The following DTNBP1 variants were observed in gnomAD, a reference collection of about 807,000 sequenced individuals.
DTNBP1 encodes dystrobrevin binding protein 1.
Under a neutral mutation model 42.8 loss-of-function variants are expected in DTNBP1, and 35 were observed. The ratio of observed to expected loss-of-function variants is 0.82; its 90% CI spans 0.63 to 1.09. The LOEUF is 1.09. Ranked by LOEUF, DTNBP1 falls within the 50% of genes least tolerant of loss-of-function variation. The pLI, the probability that DTNBP1 is intolerant of heterozygous loss-of-function variation, is 0.00. For missense variants in DTNBP1, 457 were observed against 424.2 expected (o/e 1.08, Z -0.68); for synonymous variants, 171 against 162.2 (o/e 1.05, Z -0.41).
chr6:15,563,526 C>A (rs1774933919), intron 7 of DTNBP1, among the ~76,000 whole-genome samples: 1 of 152,098 alleles, frequency 6.6e-6, no homozygotes, highest in Non-Finnish European at 1.5e-5. Flanking sequence ...ATCTGTATAC[C>A]CATTGTTCCT....
At chr6:15,596,678 C>T (rs1476681784) in intron 6 of DTNBP1, among the ~76,000 whole-genome samples, 1 of 152,190 alleles carries the variant, frequency 6.6e-6, no homozygotes, top group Non-Finnish European at 1.5e-5. Context: ...CCAATTTCAT[C>T]CCTAGCTTTA....
intron 8 of DTNBP1, among the ~76,000 whole-genome samples, chr6:15,531,912 G>A (rs761104871): frequency 1.5e-4 from 23 of 152,244 alleles, no homozygotes; most frequent in Non-Finnish European, 4.4e-5. Flanking sequence ...GATTATAGGC[G>A]TATGCCACTG....
At chr6:15,558,551 G>A (rs1774656325) in intron 7 of DTNBP1, among the ~76,000 whole-genome samples, 1 of 152,108 alleles carries the variant, frequency 6.6e-6, no homozygotes. Context: ...ACAGGTATGA[G>A]CCAACATGCC....
At chr6:15,648,247 T>G (rs184331750) in intron 3 of DTNBP1, among the ~76,000 whole-genome samples, 1 of 152,056 alleles carries the variant, frequency 6.6e-6, no homozygotes, top group East Asian at 1.9e-4. Context: ...AAGGGAACAA[T>G]CTCAACATAA....
In DTNBP1 at chr6:15,523,312, A is replaced by AG. The variant is rs1053497439; in HGVS notation, c.812-94dup. ...AGCTGTGGAATGTGCCCGTCATGAA[A>AG]GGGGGGTGTGGTTTTTGTTCCAGGC... On this transcript the variant is annotated intron_variant, in intron 9 of 9. Transcript: ENST00000344537. The AG allele has an allele frequency of 1.6e-5, 24 of 1,546,582 alleles. No individual in the cohort carries two copies. The East Asian group carries it at 2.9e-4, about 19-fold the overall frequency.
chr6:15,654,875 GATA>G (rs1761196114), intron 1 of DTNBP1, among the ~76,000 whole-genome samples: 1 of 152,190 alleles, frequency 6.6e-6, no homozygotes, highest in Non-Finnish European at 1.5e-5. Context: ...CTGCATAATT[GATA>G]ATATCAAAGA....
chr6:15,600,875 G>C (rs748984578), intron 6 of DTNBP1, among the ~76,000 whole-genome samples: 2 of 152,206 alleles, frequency 1.3e-5, no homozygotes, highest in Non-Finnish European at 2.9e-5. Flanking sequence ...TAGCTGTGTA[G>C]GTGGCAACTG....
At chr6:15,658,423 C>T (rs539772050) in intron 1 of DTNBP1, among the ~76,000 whole-genome samples, 7 of 152,184 alleles carry the variant, frequency 4.6e-5, no homozygotes, top group South Asian at 4.1e-4. Context: ...ACTACAAGGA[C>T]GGAAGAAGAC....
intron 7 of DTNBP1, among the ~76,000 whole-genome samples, chr6:15,549,220 C>T (rs1338876437): frequency 2.0e-5 from 3 of 152,150 alleles, no homozygotes; most frequent in Non-Finnish European, 4.4e-5. Flanking sequence ...GGCATGGTGG[C>T]TCATGCCTGT....
intron 7 of DTNBP1, among the ~76,000 whole-genome samples, chr6:15,537,116 T>C (rs1281361298): frequency 3.3e-5 from 5 of 152,224 alleles, no homozygotes; most frequent in African/African-American, 7.2e-5. Flanking sequence ...ACATGAGACT[T>C]TGGACTTAAG....
At position 15,650,818 on chromosome 6, in the gene DTNBP1, A is replaced by G. The variant is rs1760949729; in HGVS notation, c.161+495T>C. ...ATTTTCTCACATTCTATGTTTTGTC[A>G]CTCCACTATCTTGATGGTGTTCTCT... On this transcript the variant is annotated intron_variant, in intron 3 of 9. Coordinates refer to ENST00000344537, the MANE Select transcript of DTNBP1 (RefSeq NM_032122.5). Among the ~76,000 whole-genome samples, 3 of 151,852 alleles carry G rather than the reference A, an allele frequency of 2.0e-5. No individual in the cohort carries two copies. In the South Asian group the frequency reaches 6.2e-4, roughly 32 times the overall value.
At chr6:15,613,357 ATTTTTTTTTTTTTT>A (rs1184227291) in intron 6 of DTNBP1, among the ~76,000 whole-genome samples, 1 of 24,306 alleles carries the variant, frequency 4.1e-5, no homozygotes, top group Non-Finnish European at 7.8e-5. Flanking sequence ...CACGGACCCC[ATTTTTTTTTTTTTT>A]TTTTTTTTTT....
intron 1 of DTNBP1, among the ~76,000 whole-genome samples, chr6:15,659,756 G>A (rs1382715166): frequency 6.6e-6 from 1 of 151,978 alleles, no homozygotes; most frequent in East Asian, 1.9e-4. Context: ...GTTTCACCAC[G>A]TTGGCCAAGC....
At chr6:15,650,855 G>A (rs1397125050) in intron 3 of DTNBP1, among the ~76,000 whole-genome samples, 3 of 152,156 alleles carry the variant, frequency 2.0e-5, no homozygotes, top group African/African-American at 7.2e-5. Flanking sequence ...ACACACAAAA[G>A]TATTTGATTT....
At chr6:15,660,632 G>T in intron 1 of DTNBP1, 1 of 1,014,414 alleles carries the variant, frequency 9.9e-7, no homozygotes, top group Non-Finnish European at 1.3e-6. Context: ...TTTCCAAGGG[G>T]TTCTAACTAG....
intron 7 of DTNBP1, among the ~76,000 whole-genome samples, chr6:15,537,371 G>A (rs1388120854): frequency 1.3e-5 from 2 of 151,948 alleles, no homozygotes; most frequent in Non-Finnish European, 2.9e-5. Flanking sequence ...AGAGGTTGCA[G>A]TGAGCCAAGA....
chr6:15,645,619 A>T (rs1343170010), intron 3 of DTNBP1, among the ~76,000 whole-genome samples: 1 of 152,148 alleles, frequency 6.6e-6, no homozygotes, highest in African/African-American at 2.4e-5. Context: ...CCTTGGATGC[A>T]AGGACGGTTC....
At chr6:15,569,445 A>G (rs1250170363) in intron 7 of DTNBP1, among the ~76,000 whole-genome samples, 1 of 148,170 alleles carries the variant, frequency 6.7e-6, no homozygotes, top group Non-Finnish European at 1.5e-5. Context: ...TCTTCAACCA[A>G]TCAATGATCC....
chr6:15,522,868 T>A lies in DTNBP1; in HGVS notation c.*107A>T, dbSNP rs1400661943. 1 of 1,573,150 alleles carries A rather than the reference T, an allele frequency of 6.4e-7. No homozygotes were observed. The highest frequency in any genetic ancestry group is 1.4e-5 in the African/African-American group (1 of 73,978). On this transcript the variant is annotated 3_prime_UTR_variant, in exon 10 of 10. Coordinates refer to ENST00000344537, the MANE Select transcript of DTNBP1 (RefSeq NM_032122.5). ...AAGTTTCTCACACATTATTGGCAAT[T>A]ATGTAAAAATCAAGAACCTCTATAA...
Sources: allele counts gnomAD v4.1 joint callset (sites outside exome capture counted in the v4.1 genomes callset), GRCh38; gene constraint gnomAD v4.1.1; transcripts MANE v1.5; gene names NCBI Gene and HGNC (gene_info 2026-07-23, HGNC 2026-07-21).